Variants in CNTN5 observed in about 807,000 individuals in gnomAD.
The protein encoded by CNTN5 is contactin-5.
Under a neutral mutation model 129.1 loss-of-function variants are expected in CNTN5, and 77 were observed. The observed-to-expected ratio is 0.60, with a 90% CI of 0.50 to 0.72. CNTN5 has a LOEUF of 0.72. CNTN5 is among the 30% of genes least tolerant of loss of function. The probability of loss-of-function intolerance (pLI) is 0.00; values close to 1 mark genes in which losing one functional copy is unlikely to be tolerated. For missense variants in CNTN5, 1,478 were observed against 1,328.8 expected, an observed-to-expected ratio of 1.11 and a Z score of -1.75; for synonymous variants, 509 against 465.6, an observed-to-expected ratio of 1.09 and a Z score of -1.20.
intron 2 of CNTN5, among the ~76,000 whole-genome samples, chr11:99,482,719 A>G (rs1362781695): frequency 6.6e-6 from 1 of 152,194 alleles, no homozygotes; most frequent in Non-Finnish European, 1.5e-5. Flanking sequence ...AACCTAGAAG[A>G]ACTTGGGTAT....
chr11:99,478,022 T>G (rs1397053308), intron 2 of CNTN5, among the ~76,000 whole-genome samples: 1 of 152,078 alleles, frequency 6.6e-6, no homozygotes, highest in East Asian at 1.9e-4. Context: ...AATTGTGAAG[T>G]TAAGTCTTTT....
chr11:99,678,168 T>G (rs1953382548), intron 3 of CNTN5, among the ~76,000 whole-genome samples: 1 of 152,116 alleles, frequency 6.6e-6, no homozygotes, highest in Admixed American at 6.6e-5. Flanking sequence ...TATAAAAGTA[T>G]TTTAAAGTGG....
intron 1 of CNTN5, among the ~76,000 whole-genome samples, chr11:99,234,229 T>G (rs1305967336): frequency 6.6e-6 from 1 of 152,122 alleles, no homozygotes; most frequent in Non-Finnish European, 1.5e-5. Flanking sequence ...GTGAGAATGA[T>G]AGTTATCAGA....
intron 2 of CNTN5, among the ~76,000 whole-genome samples, chr11:99,535,490 C>T (rs532144386): frequency 6.6e-6 from 1 of 152,208 alleles, no homozygotes; most frequent in Admixed American, 6.5e-5. Context: ...AATATTGTTG[C>T]CAAAATCTAC....
At chr11:100,139,476 T>C (rs1328826539) in intron 13 of CNTN5, among the ~76,000 whole-genome samples, 1 of 152,146 alleles carries the variant, frequency 6.6e-6, no homozygotes, top group Admixed American at 6.6e-5. Flanking sequence ...GTTTTGACCA[T>C]AGCATTTTAG....
intron 18 of CNTN5, among the ~76,000 whole-genome samples, chr11:100,295,211 G>C (rs1372471059): frequency 6.6e-6 from 1 of 151,604 alleles, no homozygotes; most frequent in African/African-American, 2.4e-5. Context: ...ACATTAAGTT[G>C]AAGATGGGCT....
chr11:100,304,146 C>A (rs950377107), intron 20 of CNTN5, among the ~76,000 whole-genome samples: 1 of 151,492 alleles, frequency 6.6e-6, no homozygotes, highest in African/African-American at 2.4e-5. Context: ...TAATGCTGTT[C>A]AACATTTTTA....
intron 17 of CNTN5, 89 bp from the exon 18 acceptor site, chr11:100,271,003 A>G (rs953132991): frequency 9.4e-6 from 10 of 1,068,418 alleles, no homozygotes; most frequent in Non-Finnish European, 1.4e-5. Flanking sequence ...TAGCCTTCTG[A>G]TTCTGTCAGT....
intron 13 of CNTN5, among the ~76,000 whole-genome samples, chr11:100,177,185 A>G (rs73560625): frequency 0.031 from 4,687 of 152,136 alleles, 243 homozygotes; most frequent in African/African-American, 0.11. Flanking sequence ...TTATCCATGG[A>G]TCATTTTACC....
chr11:100,071,924 G>C, intron 12 of CNTN5, 90 bp downstream of exon 12: 1 of 1,184,310 alleles, frequency 8.4e-7, no homozygotes, highest in East Asian at 2.6e-5. Flanking sequence ...TTATGATGTG[G>C]TTGTAAAAAT....
intron 1 of CNTN5, among the ~76,000 whole-genome samples, chr11:99,053,724 A>G (rs1591111544): frequency 1.3e-5 from 2 of 152,096 alleles, no homozygotes; most frequent in East Asian, 3.9e-4. Flanking sequence ...AGCAGGTAAT[A>G]GAGGATGATA....
chr11:99,385,548 A>G (rs1257632085), intron 2 of CNTN5, among the ~76,000 whole-genome samples: 1 of 152,248 alleles, frequency 6.6e-6, no homozygotes. Flanking sequence ...GTTAGATTGC[A>G]TAGGAATGTA....
At chr11:99,086,185 G>A (rs973608938) in intron 1 of CNTN5, among the ~76,000 whole-genome samples, 5 of 152,100 alleles carry the variant, frequency 3.3e-5, no homozygotes, top group Admixed American at 1.3e-4. Flanking sequence ...ATAGTGGGTC[G>A]CTGGAGCCTC....
At chr11:99,464,307 A>G (rs529289598) in intron 2 of CNTN5, among the ~76,000 whole-genome samples, 12 of 152,366 alleles carry the variant, frequency 7.9e-5, no homozygotes, top group Admixed American at 3.3e-4. Context: ...ATAAATGAGC[A>G]CATGTTATCA....
chr11:99,395,037 AT>A (rs1408855879), intron 2 of CNTN5, among the ~76,000 whole-genome samples: 1 of 151,836 alleles, frequency 6.6e-6, no homozygotes, highest in Non-Finnish European at 1.5e-5. Flanking sequence ...AACGATTTAT[AT>A]TCCTTTGGGT....
At chr11:100,088,503 A>G (rs1170517688) in intron 13 of CNTN5, among the ~76,000 whole-genome samples, 1 of 151,918 alleles carries the variant, frequency 6.6e-6, no homozygotes, top group Non-Finnish European at 1.5e-5. Flanking sequence ...TAAATTAACA[A>G]AGAAAATGAG....
chr11:100,176,226 G>T (rs1054034824), intron 13 of CNTN5, among the ~76,000 whole-genome samples: 2 of 149,842 alleles, frequency 1.3e-5, no homozygotes, highest in African/African-American at 5.1e-5. Flanking sequence ...TACCATGTTG[G>T]CTAGGCTGGT....
At chr11:99,048,125 T>C (rs925011324) in intron 1 of CNTN5, among the ~76,000 whole-genome samples, 6 of 152,078 alleles carry the variant, frequency 3.9e-5, no homozygotes, top group African/African-American at 1.4e-4. Flanking sequence ...TTGGAATAAC[T>C]TTTTCTTTTT....
chr11:100,185,935 C>T (rs1056061851), intron 13 of CNTN5, among the ~76,000 whole-genome samples: 6 of 152,038 alleles, frequency 3.9e-5, no homozygotes, highest in South Asian at 2.1e-4. Context: ...TGTTAAACAA[C>T]GTAATCTAGA....
Sources: allele counts gnomAD v4.1 joint callset (sites outside exome capture counted in the v4.1 genomes callset), GRCh38; gene constraint gnomAD v4.1.1; transcripts MANE v1.5; gene names NCBI Gene and HGNC (gene_info 2026-07-23, HGNC 2026-07-21).